Variants in REEP1 observed in about 807,000 individuals in gnomAD.
REEP1 encodes the protein receptor expression-enhancing protein 1.
In REEP1, 22 loss-of-function variants were observed where a neutral mutation model predicts 40.3. That is an observed-to-expected ratio of 0.55 (90% confidence interval 0.39 to 0.78). The LOEUF (loss-of-function observed/expected upper bound fraction) is 0.78. Among genes scored for constraint, REEP1 ranks in the 30% least tolerant of loss-of-function variants. The pLI is 0.00. For synonymous variants in REEP1, 116 were observed against 139.2 expected (o/e 0.83, Z 1.17); for missense variants, 280 against 361.1 (o/e 0.78, Z 1.82).
chr2:86,260,396 T>C (rs2104284225), intron 3 of REEP1, among the ~76,000 whole-genome samples: 1 of 152,232 alleles, frequency 6.6e-6, no homozygotes, highest in Non-Finnish European at 1.5e-5. Context: ...GAGAGGGGGA[T>C]TCTACCCATA....
intron 2 of REEP1, among the ~76,000 whole-genome samples, chr2:86,271,643 G>T (rs1335585579): frequency 6.6e-6 from 1 of 152,168 alleles, no homozygotes; most frequent in Non-Finnish European, 1.5e-5. Flanking sequence ...TTCTCTATCA[G>T]AAAAACAAGG....
chr2:86,319,246 T>G (rs1680169656), intron 1 of REEP1, among the ~76,000 whole-genome samples: 1 of 152,084 alleles, frequency 6.6e-6, no homozygotes, highest in South Asian at 2.1e-4. Flanking sequence ...GGCTGAGAAT[T>G]TACAGTTCTA....
rs774678469 is a variant in REEP1 at position 86,251,858 on chromosome 2, G to A, written c.417+99C>T. 24 of 861,934 alleles carry A rather than the reference G, an allele frequency of 2.8e-5. No individual in the cohort carries two copies. The East Asian group carries it at 5.6e-4, about 20-fold the overall frequency. The allele number at this position is 861,934 out of a possible 1,614,324, so 53.4% of individuals were successfully genotyped here. On this transcript the variant is annotated intron_variant, in intron 5 of 8. Coordinates refer to ENST00000538924, the MANE Select transcript of REEP1 (RefSeq NM_001371279.1). ...GACCCCTAAAAGATGAAAAACCACTGATTGGTCCTTAGCCTGTTCTGTGTG... is the reference window on the plus strand; with the variant it reads ...GACCCCTAAAAGATGAAAAACCACTAATTGGTCCTTAGCCTGTTCTGTGTG...
intron 2 of REEP1, among the ~76,000 whole-genome samples, chr2:86,264,581 A>C (rs1282754658): frequency 6.6e-6 from 1 of 151,994 alleles, no homozygotes; most frequent in East Asian, 1.9e-4. Flanking sequence ...AACCCATCCT[A>C]ATACCAAGCC....
intron 1 of REEP1, among the ~76,000 whole-genome samples, chr2:86,310,254 T>A (rs940561366): frequency 6.6e-6 from 1 of 152,214 alleles, no homozygotes; most frequent in Non-Finnish European, 1.5e-5. Context: ...AGCATAATGA[T>A]GTTTCAACAA....
chr2:86,296,237 C>T (rs13020869), intron 1 of REEP1, among the ~76,000 whole-genome samples: 51,815 of 152,120 alleles, frequency 0.34, 9,804 homozygotes, highest in Middle Eastern at 0.45. Context: ...ATACAATGCA[C>T]GCTCTGTACA....
At chr2:86,302,109 G>T (rs1679277944) in intron 1 of REEP1, among the ~76,000 whole-genome samples, 1 of 152,236 alleles carries the variant, frequency 6.6e-6, no homozygotes, top group Admixed American at 6.5e-5. Flanking sequence ...TGTGCCCAAA[G>T]GTCACCAAGC....
intron 5 of REEP1, among the ~76,000 whole-genome samples, chr2:86,233,564 A>G (rs1025363032): frequency 5.9e-5 from 9 of 152,198 alleles, no homozygotes; most frequent in African/African-American, 2.2e-4. Context: ...GCAGCTCCTC[A>G]CTGTCTGGAT....
intron 4 of REEP1, 75 bp from the exon 5 acceptor site, chr2:86,252,145 G>T: frequency 9.1e-7 from 1 of 1,104,710 alleles, no homozygotes; most frequent in Non-Finnish European, 1.4e-6. Flanking sequence ...TTTCCTCTGA[G>T]CATTGGGCTT....
At chr2:86,231,623 T>C (rs1176888930) in intron 6 of REEP1, among the ~76,000 whole-genome samples, 1 of 152,152 alleles carries the variant, frequency 6.6e-6, no homozygotes, top group Non-Finnish European at 1.5e-5. Flanking sequence ...GGCCACGCAG[T>C]CACCAGACAG....
chr2:86,235,746 G>A (rs1574010453), intron 5 of REEP1, among the ~76,000 whole-genome samples: 1 of 152,194 alleles, frequency 6.6e-6, no homozygotes, highest in Non-Finnish European at 1.5e-5. Flanking sequence ...ACTCCCAGAA[G>A]CCAGCCAGTC....
intron 5 of REEP1, among the ~76,000 whole-genome samples, chr2:86,234,601 A>G (rs1203255549): frequency 6.6e-6 from 1 of 152,214 alleles, no homozygotes; most frequent in Non-Finnish European, 1.5e-5. Context: ...CAACCTACCA[A>G]AGATATAAAA....
rs575230719 is a variant in REEP1, at chr2:86,323,594, G to A, written c.32+13885C>T. ...TATGAGAATTTAACGAATGCCTGAT[G>A]ATCTGAGGTGGAACAGTTTCATCCT... is the stretch of plus-strand genomic sequence containing the variant. On this transcript the variant is annotated intron_variant, in intron 1 of 8. Transcript: ENST00000538924. Among the ~76,000 whole-genome samples, 6 of 152,178 alleles carry A rather than the reference G, an allele frequency of 3.9e-5. No homozygotes were observed. In the East Asian group the frequency reaches 1.2e-3, roughly 29 times the overall value.
At chr2:86,294,723 T>TCAGATAGATAGA (rs142324349) in intron 1 of REEP1, among the ~76,000 whole-genome samples, 1 of 148,866 alleles carries the variant, frequency 6.7e-6, no homozygotes, top group Non-Finnish European at 1.5e-5. Context: ...GATTTATATT[T>TCAGATAGATAGA]TAGATAGATA....
chr2:86,337,720 G>C (rs1681122987), upstream of REEP1: 2 of 938,218 alleles, frequency 2.1e-6, no homozygotes, highest in South Asian at 4.9e-5. The surrounding 1 kb of genome is among the most constrained non-coding windows in gnomAD (Gnocchi z 5.8). Flanking sequence ...CCCGGGGCTC[G>C]GCGGGCCCGC....
intron 1 of REEP1, among the ~76,000 whole-genome samples, chr2:86,287,751 A>T (rs1678471558): frequency 6.6e-6 from 1 of 152,164 alleles, no homozygotes; most frequent in African/African-American, 2.4e-5. Context: ...GAAATCCCCT[A>T]TATGTACTTT....
intron 1 of REEP1, among the ~76,000 whole-genome samples, chr2:86,290,906 C>T (rs1678661272): frequency 6.6e-6 from 1 of 152,110 alleles, no homozygotes; most frequent in South Asian, 2.1e-4. Flanking sequence ...TTCTAACAGG[C>T]TGGAGGGAGA....
At chr2:86,282,425 T>C (rs1285181555) in intron 1 of REEP1, among the ~76,000 whole-genome samples, 183 bp from the exon 2 acceptor site, 1 of 152,152 alleles carries the variant, frequency 6.6e-6, no homozygotes, top group Non-Finnish European at 1.5e-5. Flanking sequence ...TGGGCACCTC[T>C]ATCTTCTGTT....
At chr2:86,279,079 A>C (rs1677916852) in intron 2 of REEP1, among the ~76,000 whole-genome samples, 1 of 152,186 alleles carries the variant, frequency 6.6e-6, no homozygotes, top group South Asian at 2.1e-4. Flanking sequence ...GTGGCCCTAC[A>C]TGGCATGCCA....
Sources: allele counts gnomAD v4.1 joint callset (sites outside exome capture counted in the v4.1 genomes callset), GRCh38; gene constraint gnomAD v4.1.1; non-coding constraint Gnocchi (gnomAD v3.1); transcripts MANE v1.5; gene names NCBI Gene and HGNC (gene_info 2026-07-23, HGNC 2026-07-21).